Variants in PROKR2 observed in about 807,000 individuals in gnomAD.
The protein encoded by PROKR2 is prokineticin receptor 2, also known as G protein-coupled receptor 73-like 1.
A neutral mutation model predicts 23.4 loss-of-function variants in PROKR2; 26 were observed. The ratio of observed to expected loss-of-function variants is 1.11; its 90% CI spans 0.81 to 1.54. PROKR2 has a LOEUF of 1.54. Ranked by LOEUF, PROKR2 falls within the 40% of genes most tolerant of loss-of-function variation. The probability of loss-of-function intolerance (pLI) is 0.00; values close to 1 mark genes in which losing one functional copy is unlikely to be tolerated. For missense variants in PROKR2, 453 were observed against 511.5 expected (o/e 0.89, Z 1.10); for synonymous variants, 212 against 201.2 (o/e 1.05, Z -0.45).
chr20:5,313,318 A>T (rs993319233), intron 2 of PROKR2, among the ~76,000 whole-genome samples: 2 of 152,252 alleles, frequency 1.3e-5, no homozygotes, highest in African/African-American at 4.8e-5. Context: ...TCTTTTGCAC[A>T]AACAAACCCT....
At chr20:5,310,653 T>C (rs866224576) in intron 2 of PROKR2, among the ~76,000 whole-genome samples, 69 of 38,188 alleles carry the variant, frequency 1.8e-3, no homozygotes, top group Middle Eastern at 0.026. Flanking sequence ...GCAGCCCTCA[T>C]CAATGACCTC....
intron 2 of PROKR2, among the ~76,000 whole-genome samples, chr20:5,303,747 C>T (rs1357272840): frequency 2.0e-5 from 3 of 151,982 alleles, no homozygotes; most frequent in African/African-American, 7.3e-5. Flanking sequence ...AGATAAGAGG[C>T]ATGAAGGACA....
intron 2 of PROKR2, among the ~76,000 whole-genome samples, chr20:5,305,787 ATAGT>A (rs1979197317): frequency 6.6e-6 from 1 of 152,224 alleles, no homozygotes; most frequent in Non-Finnish European, 1.5e-5. Context: ...TCAATTTAAC[ATAGT>A]TAGAGTTGGT....
At chr20:5,309,068 C>T (rs892810248) in intron 2 of PROKR2, among the ~76,000 whole-genome samples, 1 of 152,182 alleles carries the variant, frequency 6.6e-6, no homozygotes, top group African/African-American at 2.4e-5. Flanking sequence ...ATGCATGTGA[C>T]CTGACCTTGC....
At chr20:5,307,559 G>A (rs11696576) in intron 2 of PROKR2, among the ~76,000 whole-genome samples, 114 of 152,340 alleles carry the variant, frequency 7.5e-4, no homozygotes, top group Non-Finnish European at 1.4e-3. Flanking sequence ...TGCAGAACGG[G>A]CAGAGGTGCT....
rs1360664680 is a variant in PROKR2, at chr20:5,302,541, G to C, written c.654C>G (p.Leu218=). The change falls in exon 3 of 3, where the codon CTC becomes CTG. Residue 218 remains leucine (L), a synonymous_variant. Coordinates refer to ENST00000678254, the MANE Select transcript of PROKR2 (RefSeq NM_144773.4). ...CGQIWPVDQQ[L]YYKSYFLFIF... ...TGAAGAGGAAGTAGGACTTGTAGTA[G>C]AGCTGCTGATCCACAGGCCAGATCT... 9 of 1,614,126 alleles carry C rather than the reference G, an allele frequency of 5.6e-6. No homozygotes were observed. The highest frequency in any genetic ancestry group is 7.6e-6 in the Non-Finnish European group (9 of 1,180,052).
chr20:5,305,204 G>A (rs1013133761), intron 2 of PROKR2, among the ~76,000 whole-genome samples: 4 of 152,222 alleles, frequency 2.6e-5, no homozygotes, highest in African/African-American at 9.6e-5. Context: ...GCCCGTCCCG[G>A]GCCCCATTCT....
At chr20:5,307,377 T>G (rs1191943161) in intron 2 of PROKR2, among the ~76,000 whole-genome samples, 1 of 152,200 alleles carries the variant, frequency 6.6e-6, no homozygotes, top group Non-Finnish European at 1.5e-5. Flanking sequence ...TGGCTGGCAA[T>G]AATGCCTGGA....
chr20:5,308,044 C>G (rs994612051), intron 2 of PROKR2, among the ~76,000 whole-genome samples: 3 of 107,396 alleles, frequency 2.8e-5, no homozygotes, highest in Non-Finnish European at 3.9e-5. Flanking sequence ...TCTGTGATTT[C>G]AATGATTGTG....
Position 5,314,211 on chromosome 20 carries a change from C to T in PROKR2, c.159G>A (p.Lys53=). The part of the protein sequence containing the change: ...MTKTRTFFAA[K]IVIGIALAGI... ...CTGCCAGTGCAATGCCAATGACGAT[C>T]TTGGCTGCGAAGAAGGTCCGGGTCT... is the stretch of plus-strand genomic sequence containing the variant. Residue 53 remains lysine (K), a synonymous_variant, in exon 2 of 3, where the codon AAG becomes AAA. Transcript: ENST00000678254. 1 of 1,614,220 alleles carries T rather than the reference C, an allele frequency of 6.2e-7. No homozygotes were observed. Among genetic ancestry groups the T allele is most frequent in the Non-Finnish European group, 8.5e-7 (1 of 1,180,042 alleles).
intron 2 of PROKR2, among the ~76,000 whole-genome samples, chr20:5,303,118 C>A (rs1038430132): frequency 6.6e-6 from 1 of 152,158 alleles, no homozygotes; most frequent in African/African-American, 2.4e-5. Context: ...GTATAGTAGG[C>A]GTTCAATAAA....
In PROKR2 at chr20:5,302,280, G is replaced by A. The variant is rs1351399715; in HGVS notation, c.915C>T (p.Phe305=). ...TIVRDFFPTV[F]VKEKHYLTAF... Reference sequence around the variant, plus strand: ...CAGTGAGGTAGTGCTTTTCCTTCACGAACACAGTGGGGAAGAAGTCACGAA... The same window carrying A: ...CAGTGAGGTAGTGCTTTTCCTTCACAAACACAGTGGGGAAGAAGTCACGAA... Residue 305 remains phenylalanine (F), a synonymous_variant, in exon 3 of 3, where the codon TTC becomes TTT. Coordinates refer to ENST00000678254, the MANE Select transcript of PROKR2 (RefSeq NM_144773.4). 19 of 1,614,220 alleles carry A rather than the reference G, an allele frequency of 1.2e-5. No individual in the cohort carries two copies. Among genetic ancestry groups the A allele is most frequent in the South Asian group, 2.2e-5 (2 of 91,078 alleles).
At chr20:5,315,172 G>T (rs529528561) in intron 1 of PROKR2, among the ~76,000 whole-genome samples, 1 of 151,422 alleles carries the variant, frequency 6.6e-6, no homozygotes. Flanking sequence ...GGTGGAGGAG[G>T]TGGTGGTGGG....
intron 2 of PROKR2, among the ~76,000 whole-genome samples, chr20:5,306,675 C>T (rs905975568): frequency 2.6e-5 from 4 of 152,294 alleles, no homozygotes; most frequent in Non-Finnish European, 4.4e-5. Flanking sequence ...AATGTGATTT[C>T]TGATTCTTCA....
rs1013140019 is a variant in PROKR2 at position 5,299,927 on chromosome 20, A to G, written c.*2113T>C. Reference sequence around the variant, plus strand: ...GATGTGAGCCACCATGCCGGCCTGCATTTTCTGAGAGTACAATGATTGGGC... The same window carrying G: ...GATGTGAGCCACCATGCCGGCCTGCGTTTTCTGAGAGTACAATGATTGGGC... On this transcript the variant is annotated 3_prime_UTR_variant, in exon 3 of 3. Coordinates refer to ENST00000678254, the MANE Select transcript of PROKR2 (RefSeq NM_144773.4). 2.6e-5 allele frequency among the ~76,000 whole-genome samples: 4 copies of G among 152,180 alleles called. No individual in the cohort carries two copies. Among genetic ancestry groups the G allele is most frequent in the African/African-American group, 9.7e-5 (4 of 41,450 alleles).
At chr20:5,304,154 C>G (rs183837591) in intron 2 of PROKR2, among the ~76,000 whole-genome samples, 1 of 152,068 alleles carries the variant, frequency 6.6e-6, no homozygotes, top group Non-Finnish European at 1.5e-5. Flanking sequence ...AGTGACTATT[C>G]GAGCAGCACT....
At chr20:5,313,013 A>T (rs140487069) in intron 2 of PROKR2, among the ~76,000 whole-genome samples, 62 of 152,340 alleles carry the variant, frequency 4.1e-4, no homozygotes, top group African/African-American at 1.4e-3. Flanking sequence ...TGGATTTTGA[A>T]TGTTTCCAAC....
chr20:5,306,342 A>C (rs1339008436), intron 2 of PROKR2, among the ~76,000 whole-genome samples: 2 of 152,254 alleles, frequency 1.3e-5, no homozygotes, highest in Admixed American at 6.5e-5. Context: ...TCAGTTACAC[A>C]ACCTATGGGA....
intron 2 of PROKR2, among the ~76,000 whole-genome samples, chr20:5,308,977 A>G (rs1293649726): frequency 6.6e-6 from 1 of 152,156 alleles, no homozygotes; most frequent in African/African-American, 2.4e-5. Flanking sequence ...ATCTAGGATG[A>G]AGCTGGATCC....
Sources: allele counts gnomAD v4.1 joint callset (sites outside exome capture counted in the v4.1 genomes callset), GRCh38; gene constraint gnomAD v4.1.1; transcripts MANE v1.5; gene names NCBI Gene and HGNC (gene_info 2026-07-23, HGNC 2026-07-21).